The following SYN3 variants were observed in gnomAD, a reference collection of about 807,000 sequenced individuals.
The protein encoded by SYN3 is synapsin-3.
In SYN3, 35 loss-of-function variants were observed where a neutral mutation model predicts 65.8. The ratio of observed to expected loss-of-function variants is 0.53; its 90% CI spans 0.41 to 0.70. SYN3 has a LOEUF of 0.70. Among genes scored for constraint, SYN3 ranks in the 30% least tolerant of loss-of-function variants. SYN3 has a pLI of 0.00. For synonymous variants in SYN3, 270 were observed against 292.9 expected (o/e 0.92, Z 0.80); for missense variants, 680 against 749.0 (o/e 0.91, Z 1.08).
chr22:32,727,153 C>T (rs1020269297), intron 6 of SYN3, among the ~76,000 whole-genome samples: 5 of 152,096 alleles, frequency 3.3e-5, no homozygotes, highest in African/African-American at 1.2e-4. Flanking sequence ...CTCCACCCTC[C>T]TGCAAGGCTC....
intron 6 of SYN3, among the ~76,000 whole-genome samples, chr22:32,822,311 G>C (rs1185145344): frequency 6.6e-6 from 1 of 152,150 alleles, no homozygotes; most frequent in East Asian, 1.9e-4. Flanking sequence ...CCCTGCGTGG[G>C]ATGTGCTCCA....
At chr22:32,620,505 G>A (rs988147016) in intron 6 of SYN3, among the ~76,000 whole-genome samples, 11 of 152,098 alleles carry the variant, frequency 7.2e-5, no homozygotes, top group South Asian at 2.1e-4. Flanking sequence ...AGCAGCCTCA[G>A]TATGGGGGAA....
intron 6 of SYN3, among the ~76,000 whole-genome samples, chr22:32,652,236 C>T (rs1048244923): frequency 6.6e-6 from 1 of 152,168 alleles, no homozygotes; most frequent in African/African-American, 2.4e-5. Flanking sequence ...CAATTTAGAA[C>T]AGCCGGCCAG....
chr22:32,615,929 C>T (rs1184444967), intron 6 of SYN3, among the ~76,000 whole-genome samples: 1 of 152,212 alleles, frequency 6.6e-6, no homozygotes. Flanking sequence ...GTCTCCCTAA[C>T]TTCTGTGAGT....
At chr22:33,009,178 T>G (rs1236731684) in intron 1 of SYN3, among the ~76,000 whole-genome samples, 2 of 152,058 alleles carry the variant, frequency 1.3e-5, no homozygotes, top group Non-Finnish European at 2.9e-5. Flanking sequence ...ATGGGGTAAG[T>G]GTATGTCTAA....
chr22:33,040,327 A>G (rs1029664111), intron 1 of SYN3, among the ~76,000 whole-genome samples: 5 of 152,106 alleles, frequency 3.3e-5, no homozygotes, highest in Non-Finnish European at 5.9e-5. Flanking sequence ...AAATGAGTTT[A>G]TTCTGAGAGT....
chr22:32,822,970 T>C (rs2146075921), intron 6 of SYN3, among the ~76,000 whole-genome samples: 1 of 152,156 alleles, frequency 6.6e-6, no homozygotes, highest in African/African-American at 2.4e-5. Context: ...TGCATCCAGA[T>C]GCTTAGAGAA....
intron 6 of SYN3, among the ~76,000 whole-genome samples, chr22:32,636,280 T>C (rs924709230): frequency 6.6e-6 from 1 of 151,880 alleles, no homozygotes; most frequent in Non-Finnish European, 1.5e-5. Context: ...CCAGTGCCTG[T>C]AGTCCCAGCT....
At chr22:33,055,903 CATTG>C (rs1203886214) in intron 1 of SYN3, among the ~76,000 whole-genome samples, 1 of 152,152 alleles carries the variant, frequency 6.6e-6, no homozygotes, top group African/African-American at 2.4e-5. Context: ...ACTCAATACA[CATTG>C]ATTGATTAAT....
intron 7 of SYN3, among the ~76,000 whole-genome samples, chr22:32,565,835 C>A (rs977205735): frequency 2.0e-5 from 3 of 152,146 alleles, no homozygotes; most frequent in South Asian, 2.1e-4. Flanking sequence ...CCTCAGCCCC[C>A]CCGAGTAGCT....
chr22:32,561,800 C>T (rs1037565449), intron 7 of SYN3, among the ~76,000 whole-genome samples: 5 of 152,194 alleles, frequency 3.3e-5, no homozygotes, highest in Admixed American at 6.5e-5. Flanking sequence ...CAGGCTCCTA[C>T]GTGGGGAAGC....
In SYN3 at chr22:32,512,050, G is replaced by C. The variant is rs1209127201; in HGVS notation, c.*1642C>G. Among the ~76,000 whole-genome samples, 1 of 152,210 alleles carries C rather than the reference G, an allele frequency of 6.6e-6. No homozygotes were observed. The highest frequency in any genetic ancestry group is 1.5e-5 in the Non-Finnish European group (1 of 68,042). On this transcript the variant is annotated 3_prime_UTR_variant, in exon 14 of 14. Transcript: ENST00000358763. ...AGCCAGCTTGAAGGCAGGCTTTTCT[G>C]AGGTTGAGAGTTCTAAGTGATCCAA...
At chr22:32,626,927 C>T (rs2059674315) in intron 6 of SYN3, among the ~76,000 whole-genome samples, 1 of 152,228 alleles carries the variant, frequency 6.6e-6, no homozygotes. Flanking sequence ...GGTCCCTGGA[C>T]ACCTGGTTGG....
intron 6 of SYN3, among the ~76,000 whole-genome samples, chr22:32,780,390 T>A: frequency 6.6e-6 from 1 of 152,032 alleles, no homozygotes; most frequent in Non-Finnish European, 1.5e-5. Context: ...AGCACCTGAG[T>A]TGACTCTAAA....
chr22:32,651,362 T>C (rs1439410306), intron 6 of SYN3, among the ~76,000 whole-genome samples: 2 of 152,140 alleles, frequency 1.3e-5, no homozygotes, highest in Non-Finnish European at 2.9e-5. Context: ...AGCAAGAATC[T>C]GAGAAAGGCC....
chr22:32,751,050 G>A lies in SYN3; in HGVS notation c.711+113865C>T, dbSNP rs148820724. Among the ~76,000 whole-genome samples, 530 of 152,222 alleles carry A rather than the reference G, an allele frequency of 3.5e-3. 2 individuals are homozygous for A. Among genetic ancestry groups the A allele is most frequent in the African/African-American group, 0.012 (502 of 41,528 alleles). ...GAGCAACAAAGGAATGAAGGTGTGT[G>A]TGCAGGCAGGGAGAAAAAGAGGACC... On this transcript the variant is annotated intron_variant, in intron 6 of 13. Coordinates refer to ENST00000358763, the MANE Select transcript of SYN3 (RefSeq NM_003490.4).
intron 2 of SYN3, among the ~76,000 whole-genome samples, chr22:32,982,936 T>G (rs903659686): frequency 6.6e-6 from 1 of 152,204 alleles, no homozygotes; most frequent in Non-Finnish European, 1.5e-5. Flanking sequence ...ATATTTTGCC[T>G]AAGGGATTTG....
chr22:32,964,864 G>T (rs562045286), intron 3 of SYN3, among the ~76,000 whole-genome samples: 4 of 152,230 alleles, frequency 2.6e-5, no homozygotes, highest in African/African-American at 7.2e-5. Context: ...TTATTGCCAA[G>T]TTCTTCCCCT....
intron 1 of SYN3, among the ~76,000 whole-genome samples, chr22:33,026,012 C>T (rs920880270): frequency 6.6e-6 from 1 of 152,152 alleles, no homozygotes; most frequent in East Asian, 1.9e-4. Context: ...GGCTGTCCCA[C>T]GAATCCAAGG....
Sources: allele counts gnomAD v4.1 joint callset (sites outside exome capture counted in the v4.1 genomes callset), GRCh38; gene constraint gnomAD v4.1.1; transcripts MANE v1.5; gene names NCBI Gene and HGNC (gene_info 2026-07-23, HGNC 2026-07-21).